NFYB: variants seen among roughly 807,000 people sequenced by gnomAD.
The protein encoded by NFYB is CAAT box DNA-binding protein subunit B.
A neutral mutation model predicts 28.0 loss-of-function variants in NFYB; 13 were observed. That is an observed-to-expected ratio of 0.46 (90% confidence interval 0.30 to 0.74). The LOEUF is 0.74. Ranked by LOEUF, NFYB falls within the 30% of genes least tolerant of loss-of-function variation. The pLI is 0.07. For synonymous variants in NFYB, 74 were observed against 75.0 expected (o/e 0.99, Z 0.07); for missense variants, 142 against 247.6 (o/e 0.57, Z 2.86).
At chr12:104,131,877 T>C (rs1168590447) in intron 2 of NFYB, 1 of 429,938 alleles carries the variant, frequency 2.3e-6, no homozygotes, top group Non-Finnish European at 4.6e-6. Context: ...CAGAGCCTAT[T>C]AGTCCTTCCA....
At chr12:104,132,897 C>T (rs147971377) in intron 2 of NFYB, among the ~76,000 whole-genome samples, 14 of 152,204 alleles carry the variant, frequency 9.2e-5, no homozygotes, top group East Asian at 3.9e-4. Flanking sequence ...CAAGGGGACA[C>T]GGACAGTGAT....
chr12:104,122,842 T>C (rs980766782), intron 5 of NFYB, among the ~76,000 whole-genome samples: 1 of 152,146 alleles, frequency 6.6e-6, no homozygotes, highest in African/African-American at 2.4e-5. Context: ...AGTAATACAT[T>C]TACAAAGTTA....
At chr12:104,132,893 G>T (rs999800180) in intron 2 of NFYB, among the ~76,000 whole-genome samples, 2 of 152,188 alleles carry the variant, frequency 1.3e-5, no homozygotes, top group African/African-American at 4.8e-5. Context: ...ATGACAAGGG[G>T]ACACGGACAG....
In NFYB at chr12:104,128,475, T is replaced by G; in HGVS notation, c.49A>C (p.Ile17Leu). The G allele has an allele frequency of 6.2e-7, 1 of 1,612,936 alleles. No individual in the cohort carries two copies. Among genetic ancestry groups the G allele is most frequent in the Non-Finnish European group, 8.5e-7 (1 of 1,179,268 alleles). The change falls in exon 3 of 8, where the codon ATC (isoleucine) becomes CTC (leucine). Residue 17 changes from isoleucine (I) to leucine (L), a missense_variant. Physicochemically the swap from Ile to Leu is conservative, Grantham distance 5 (BLOSUM62 2). This residue lies in a region of NFYB where 54 missense variants were observed against 58.1 expected (regional missense o/e 0.93). Transcript: ENST00000240055. ...CTTCCTCCAATATAGTCTGCAGAGATTCCTAGTTGAGAAGCATCTGTTGTA... is the reference window on the plus strand; with the variant it reads ...CTTCCTCCAATATAGTCTGCAGAGAGTCCTAGTTGAGAAGCATCTGTTGTA... ...SSTTDASQLG[I>L]SADYIGGSHY...
At chr12:104,123,493 A>G in intron 4 of NFYB, 70 bp from the exon 5 acceptor site, 1 of 1,243,120 alleles carries the variant, frequency 8.0e-7, no homozygotes, top group East Asian at 2.3e-5. Context: ...ACAAAAATGA[A>G]AGCCTATTCA....
intron 4 of NFYB, among the ~76,000 whole-genome samples, chr12:104,124,775 C>T (rs1023098376): frequency 2.0e-5 from 3 of 152,182 alleles, no homozygotes; most frequent in Non-Finnish European, 4.4e-5. Flanking sequence ...TGGCTTGTGG[C>T]TATGGTACTG....
At chr12:104,121,104 G>A in intron 6 of NFYB, 136 bp downstream of exon 6, 1 of 652,556 alleles carries the variant, frequency 1.5e-6, no homozygotes, top group Non-Finnish European at 2.6e-6. Flanking sequence ...TCAAATAAAA[G>A]GGCATGAACT....
intron 1 of NFYB, 51 bp from the exon 2 acceptor site, chr12:104,135,583 C>T: frequency 1.4e-6 from 1 of 716,654 alleles, no homozygotes; most frequent in South Asian, 2.6e-5. Context: ...AGTAAAAATA[C>T]ATCAAATGTA....
At position 104,123,207 on chromosome 12, in the gene NFYB, T is replaced by G; in HGVS notation, c.429+19A>C. On this transcript the variant is annotated intron_variant, in intron 5 of 7. Transcript: ENST00000240055. ...AAAAAGAAGAAAAAAAAAAGCACAA[T>G]GGGAGATATTTTATTTACCTCTCTG... 6.5e-7 allele frequency: 1 copy of G among 1,550,228 alleles called. No individual in the cohort carries two copies. Among genetic ancestry groups the G allele is most frequent in the Non-Finnish European group, 8.8e-7 (1 of 1,137,968 alleles).
chr12:104,122,280 C>G (rs1225606706), intron 5 of NFYB, among the ~76,000 whole-genome samples: 2 of 152,216 alleles, frequency 1.3e-5, no homozygotes, highest in Non-Finnish European at 2.9e-5. Flanking sequence ...TGTGGCAGAG[C>G]TGGGATTCAG....
At chr12:104,124,027 C>T (rs953190966) in intron 4 of NFYB, among the ~76,000 whole-genome samples, 1 of 152,126 alleles carries the variant, frequency 6.6e-6, no homozygotes, top group African/African-American at 2.4e-5. Context: ...TCCTACCACC[C>T]CACAGAGGAT....
At position 104,121,339 on chromosome 12, in the gene NFYB, A is replaced by G; in HGVS notation, c.430-18T>C. 6.3e-7 allele frequency: 1 copy of G among 1,593,896 alleles called. No homozygotes were observed. Among genetic ancestry groups the G allele is most frequent in the Non-Finnish European group, 8.5e-7 (1 of 1,171,624 alleles). On this transcript the variant is annotated intron_variant, in intron 5 of 7. Transcript: ENST00000240055. ...TTCATAGCCTGAGGAAGGAAAAAAA[A>G]AAAGTCACTGATATTCAAATGAAAT...
intron 7 of NFYB, among the ~76,000 whole-genome samples, chr12:104,120,114 G>A (rs957362369): frequency 2.0e-5 from 3 of 151,836 alleles, no homozygotes; most frequent in African/African-American, 7.3e-5. Flanking sequence ...GGAGTGCAGT[G>A]GTGTGATCTC....
intron 4 of NFYB, among the ~76,000 whole-genome samples, chr12:104,123,780 C>T (rs377651488): frequency 7.2e-5 from 11 of 152,068 alleles, no homozygotes; most frequent in East Asian, 5.8e-4. Context: ...GCCAACATGG[C>T]GAAACCCCAT....
chr12:104,127,454 G>C (rs2030756919), intron 3 of NFYB, among the ~76,000 whole-genome samples: 1 of 151,770 alleles, frequency 6.6e-6, no homozygotes, highest in African/African-American at 2.4e-5. Context: ...TGTGATCTCA[G>C]CTAACGGGCA....
At chr12:104,124,472 C>T (rs1329117737) in intron 4 of NFYB, among the ~76,000 whole-genome samples, 1 of 152,158 alleles carries the variant, frequency 6.6e-6, no homozygotes, top group Non-Finnish European at 1.5e-5. Flanking sequence ...GCCTATTTTC[C>T]ATACTGGAGA....
intron 1 of NFYB, among the ~76,000 whole-genome samples, chr12:104,136,546 T>G (rs998652589): frequency 9.2e-5 from 14 of 152,216 alleles, no homozygotes; most frequent in Non-Finnish European, 1.6e-4. Flanking sequence ...CTCAGAAAAG[T>G]CCTTCCTTGT....
intron 6 of NFYB, among the ~76,000 whole-genome samples, 188 bp downstream of exon 6, chr12:104,121,052 G>A (rs899574567): frequency 6.6e-6 from 1 of 152,134 alleles, no homozygotes; most frequent in African/African-American, 2.4e-5. Context: ...AGGTTATAAT[G>A]TCTACAGAAT....
At chr12:104,133,341 A>C (rs1250412549) in intron 2 of NFYB, among the ~76,000 whole-genome samples, 1 of 152,076 alleles carries the variant, frequency 6.6e-6, no homozygotes, top group Non-Finnish European at 1.5e-5. Flanking sequence ...CTACTTCTTT[A>C]ATTTGTCCCT....
Sources: gnomAD v4.1 joint callset for allele counts (sites outside exome capture counted in the v4.1 genomes callset) on GRCh38, gnomAD v4.1.1 for gene constraint, gnomAD v4.1.1 regional missense constraint, MANE v1.5 for transcripts, NCBI Gene and HGNC (gene_info 2026-07-23, HGNC 2026-07-21) for gene names.